The following BATF3 variants were observed in gnomAD, a reference collection of about 807,000 sequenced individuals.
The protein encoded by BATF3 is basic leucine zipper ATF-like transcription factor 3.
A neutral mutation model predicts 16.1 loss-of-function variants in BATF3; 8 were observed. The observed-to-expected ratio is 0.50, with a 90% CI of 0.29 to 0.90. The LOEUF is 0.90. Ranked by LOEUF, BATF3 falls within the 40% of genes least tolerant of loss-of-function variation. The pLI, the probability that BATF3 is intolerant of heterozygous loss-of-function variation, is 0.08. For synonymous variants in BATF3, 74 were observed against 72.7 expected (o/e 1.02, Z -0.09); for missense variants, 139 against 167.0 (o/e 0.83, Z 0.92).
At chr1:212,698,085 A>C (rs1223183379) in intron 1 of BATF3, 3 of 152,266 alleles carry the variant, frequency 2.0e-5, no homozygotes, top group Non-Finnish European at 2.9e-5. Context: ...AAGAAGTTTC[A>C]GATATGCAAG....
intron 2 of BATF3, among the ~76,000 whole-genome samples, chr1:212,694,002 G>A (rs1337226825): frequency 1.3e-5 from 2 of 152,186 alleles, no homozygotes; most frequent in Non-Finnish European, 2.9e-5. Context: ...TATCCAGGCA[G>A]ACCCAACGCA....
rs890874127 is a variant in BATF3 at position 212,699,630 on chromosome 1, G to A, written c.90+43C>T. 8.0e-6 allele frequency: 10 copies of A among 1,255,332 alleles called. No individual in the cohort carries two copies. Among genetic ancestry groups the A allele is most frequent in the South Asian group, 2.9e-5 (1 of 34,632 alleles). 77.8% of individuals were successfully genotyped at this position (1,255,332 alleles called of 1,614,324 possible). A position where few individuals can be genotyped will look rare whatever the true frequency, so the allele number is the denominator to read the frequency against. ...CCTCCTCGCCCCCCGCGGCGCGCCG[G>A]TCCCCGCACCCCACGGCCCTCCCTG... On this transcript the variant is annotated intron_variant, in intron 1 of 2. Transcript: ENST00000243440. The surrounding 1 kb of genome is among the most constrained non-coding windows in gnomAD (Gnocchi z 4.4).
Position 212,699,775 on chromosome 1 carries a change from T to TCTGGC in BATF3, c.-18_-14dup, listed in dbSNP as rs1657230068. On this transcript the variant is annotated 5_prime_UTR_variant, in exon 1 of 3. Transcript: ENST00000243440. The surrounding 1 kb of genome is among the most constrained non-coding windows in gnomAD (Gnocchi z 4.4). ...GCCCTTGCGACATGCCGGGCGCTCCTCTGGCCCGGCCCGCCCCGCCCCGCC... is the reference window on the plus strand; with the variant it reads ...GCCCTTGCGACATGCCGGGCGCTCCTCTGGCCTGGCCCGGCCCGCCCCGCCCCGCC... The TCTGGC allele has an allele frequency of 1.6e-6, 2 of 1,233,838 alleles. No individual in the cohort carries two copies. Among genetic ancestry groups the TCTGGC allele is most frequent in the South Asian group, 2.9e-5 (1 of 34,006 alleles). 76.4% of individuals were successfully genotyped at this position (1,233,838 alleles called of 1,614,324 possible).
Position 212,686,998 on chromosome 1 carries a change from G to A in BATF3, c.196-19C>T, listed in dbSNP as rs955534131. 2 of 1,487,202 alleles carry A rather than the reference G, an allele frequency of 1.3e-6. No homozygotes were observed. The highest frequency in any genetic ancestry group is 1.9e-6 in the Non-Finnish European group (2 of 1,064,396). The allele number at this position is 1,487,202 out of a possible 1,614,324, so 92.1% of individuals were successfully genotyped here. A position where few individuals can be genotyped will look rare whatever the true frequency, so the allele number is the denominator to read the frequency against. ...CATATTCCTGGGGGAGACAGAATGGGCAAAATCATTTCTGGTGCAGCGTTC... is the reference window on the plus strand; with the variant it reads ...CATATTCCTGGGGGAGACAGAATGGACAAAATCATTTCTGGTGCAGCGTTC... On this transcript the variant is annotated intron_variant, in intron 2 of 2. Coordinates refer to ENST00000243440, the MANE Select transcript of BATF3 (RefSeq NM_018664.3).
intron 1 of BATF3, chr1:212,698,571 C>A (rs1364121529): frequency 1.3e-5 from 2 of 151,544 alleles, no homozygotes; most frequent in African/African-American, 4.9e-5. Context: ...AAGTTACCTG[C>A]CTTTGTTGAA....
rs1056591989 is a variant in BATF3 at position 212,689,853 on chromosome 1, A to G, written c.196-2874T>C. 2.0e-5 allele frequency among the ~76,000 whole-genome samples: 3 copies of G among 147,742 alleles called. No individual in the cohort carries two copies. The highest frequency in any genetic ancestry group is 7.6e-5 in the African/African-American group (3 of 39,546). ...CACACACACTCATACACAACCACAG[A>G]CACACACACAGATACACACAGTCAC... On this transcript the variant is annotated intron_variant, in intron 2 of 2. Coordinates refer to ENST00000243440, the MANE Select transcript of BATF3 (RefSeq NM_018664.3). This position sits in a 1 kb window ranked among gnomAD's most constrained non-coding sequence, Gnocchi z 4.6.
At position 212,689,819 on chromosome 1, in the gene BATF3, ACT is replaced by A. The variant is rs1244485813; in HGVS notation, c.196-2842_196-2841del. ...CTCTCATACACAGCCCGACACACAC[ACT>A]CTCACACACACACACTCATACACAA... On this transcript the variant is annotated intron_variant, in intron 2 of 2. Transcript: ENST00000243440. The surrounding 1 kb of genome is among the most constrained non-coding windows in gnomAD (Gnocchi z 4.6). 1.3e-5 allele frequency among the ~76,000 whole-genome samples: 2 copies of A among 149,334 alleles called. No homozygotes were observed. Among genetic ancestry groups the A allele is most frequent in the African/African-American group, 5.1e-5 (2 of 39,162 alleles).
chr1:212,691,144 C>T lies in BATF3; in HGVS notation c.196-4165G>A, dbSNP rs150116655. Among the ~76,000 whole-genome samples, 55 of 152,158 alleles carry T rather than the reference C, an allele frequency of 3.6e-4. 1 individual carries two copies. In the East Asian group the frequency reaches 7.7e-3, roughly 21 times the overall value. On this transcript the variant is annotated intron_variant, in intron 2 of 2. Coordinates refer to ENST00000243440, the MANE Select transcript of BATF3 (RefSeq NM_018664.3). ...GGGATCAACGGGCTGCCTAGGGATA[C>T]GCAGGGTCCAGGATGCCTCTGAGGC...
intron 2 of BATF3, among the ~76,000 whole-genome samples, chr1:212,696,467 A>G (rs575776903): frequency 6.6e-6 from 1 of 150,700 alleles, no homozygotes; most frequent in African/African-American, 2.4e-5. Flanking sequence ...CACATTGGGT[A>G]CATGTGTGAA....
intron 2 of BATF3, among the ~76,000 whole-genome samples, chr1:212,695,189 C>G (rs1369335568): frequency 6.6e-6 from 1 of 152,038 alleles, no homozygotes; most frequent in East Asian, 1.9e-4. Flanking sequence ...GTGGCAAAAC[C>G]CCACCTCTAC....
Position 212,699,460 on chromosome 1 carries a change from C to T in BATF3, c.90+213G>A, listed in dbSNP as rs1378768766. 6.6e-6 allele frequency among the ~76,000 whole-genome samples: 1 copy of T among 152,084 alleles called. No individual in the cohort carries two copies. The highest frequency in any genetic ancestry group is 2.4e-5 in the African/African-American group (1 of 41,434). ...GCAGGAGCTGGCTCAGGAGCCATTCCAGGAGCCGCGGACACTGTGCGCACG... is the reference window on the plus strand; with the variant it reads ...GCAGGAGCTGGCTCAGGAGCCATTCTAGGAGCCGCGGACACTGTGCGCACG... On this transcript the variant is annotated intron_variant, in intron 1 of 2. Transcript: ENST00000243440. The surrounding 1 kb of genome is among the most constrained non-coding windows in gnomAD (Gnocchi z 4.4).
intron 2 of BATF3, among the ~76,000 whole-genome samples, chr1:212,692,709 A>T (rs1350361136): frequency 6.6e-6 from 1 of 152,212 alleles, no homozygotes; most frequent in African/African-American, 2.4e-5. Flanking sequence ...AAGTGCTGGG[A>T]TTACAGGCAC....
chr1:212,695,930 T>A (rs1347674988), intron 2 of BATF3, among the ~76,000 whole-genome samples: 1 of 152,056 alleles, frequency 6.6e-6, no homozygotes, highest in Non-Finnish European at 1.5e-5. Context: ...TTGAAGACAA[T>A]GAGAAGAGAA....
rs35794390 is a variant in BATF3, at chr1:212,697,039, G to T, written c.117C>A (p.Val39=). ...CAACTCGGTTTTTTTCTCTCCTTCGGACCTTCCTGTCATCATCCTCAGGGC... is the reference window on the plus strand; with the variant it reads ...CAACTCGGTTTTTTTCTCTCCTTCGTACCTTCCTGTCATCATCCTCAGGGC... ...QQSPEDDDRK[V]RRREKNRVAA... The change falls in exon 2 of 3, where the codon GTC becomes GTA. Residue 39 remains valine, a synonymous_variant. Coordinates refer to ENST00000243440, the MANE Select transcript of BATF3 (RefSeq NM_018664.3). 6.9e-4 allele frequency: 1,107 copies of T among 1,614,060 alleles called. 5 individuals are homozygous for T. In the African/African-American group the frequency reaches 0.013, roughly 20 times the overall value.
intron 2 of BATF3, among the ~76,000 whole-genome samples, chr1:212,687,256 T>C (rs375605304): frequency 2.0e-5 from 3 of 152,214 alleles, no homozygotes; most frequent in East Asian, 3.8e-4. Context: ...TGTTGATCAA[T>C]ACACGGAACA....
At position 212,689,391 on chromosome 1, in the gene BATF3, T is replaced by A. The variant is rs1172625565; in HGVS notation, c.196-2412A>T. Among the ~76,000 whole-genome samples, 5 of 152,132 alleles carry A rather than the reference T, an allele frequency of 3.3e-5. No homozygotes were observed. Among genetic ancestry groups the A allele is most frequent in the African/African-American group, 1.2e-4 (5 of 41,428 alleles). On this transcript the variant is annotated intron_variant, in intron 2 of 2. Coordinates refer to ENST00000243440, the MANE Select transcript of BATF3 (RefSeq NM_018664.3). The surrounding 1 kb of genome is among the most constrained non-coding windows in gnomAD (Gnocchi z 4.6). ...CTATCTGAGCCATTCCCCAGGCAGG[T>A]TCCCAGGGTGGTCTGGAGCACTCTC...
intron 2 of BATF3, among the ~76,000 whole-genome samples, chr1:212,696,200 AG>A (rs974614470): frequency 2.0e-5 from 3 of 152,182 alleles, no homozygotes; most frequent in African/African-American, 7.2e-5. Flanking sequence ...AAGCCAATAA[AG>A]GGTCGAAGGC....
At chr1:212,692,115 C>A (rs184829715) in intron 2 of BATF3, among the ~76,000 whole-genome samples, 4 of 152,326 alleles carry the variant, frequency 2.6e-5, no homozygotes, top group African/African-American at 9.6e-5. Flanking sequence ...CCTCTTCCCC[C>A]ATTCTCCCCT....
At chr1:212,693,010 T>C (rs1023969599) in intron 2 of BATF3, among the ~76,000 whole-genome samples, 10 of 152,234 alleles carry the variant, frequency 6.6e-5, no homozygotes, top group African/African-American at 2.4e-4. Context: ...ATGCATGGTG[T>C]CCCCACCCTA....
Sources: gnomAD v4.1 joint callset for allele counts (sites outside exome capture counted in the v4.1 genomes callset) on GRCh38, gnomAD v4.1.1 for gene constraint, Gnocchi (gnomAD v3.1) non-coding constraint, MANE v1.5 for transcripts, NCBI Gene and HGNC (gene_info 2026-07-23, HGNC 2026-07-21) for gene names.